Variants in PDC observed in about 807,000 individuals in gnomAD.
PDC encodes the protein phosducin.
PDC carries 19 observed loss-of-function variants against 22.2 expected under a neutral mutation model. The ratio of observed to expected loss-of-function variants is 0.86; its 90% confidence interval spans 0.60 to 1.26. The LOEUF is 1.26. Ranked by LOEUF, PDC falls within the 50% of genes most tolerant of loss-of-function variation. PDC has a pLI of 0.00. For missense variants in PDC, 274 were observed against 286.8 expected, an observed-to-expected ratio of 0.96 and a Z score of 0.32; for synonymous variants, 97 against 96.2, an observed-to-expected ratio of 1.01 and a Z score of -0.05.
intron 1 of PDC, among the ~76,000 whole-genome samples, chr1:186,452,091 G>A (rs1047642302): frequency 6.6e-6 from 1 of 152,090 alleles, no homozygotes; most frequent in Non-Finnish European, 1.5e-5. Flanking sequence ...AGCACCTAGA[G>A]GAAGACACAA....
intron 1 of PDC, among the ~76,000 whole-genome samples, chr1:186,453,185 C>T (rs1300304608): frequency 1.3e-5 from 2 of 152,008 alleles, no homozygotes. Flanking sequence ...CAAATCTTGT[C>T]CTCAAAATTC....
intron 1 of PDC, among the ~76,000 whole-genome samples, chr1:186,456,003 A>T (rs1165245953): frequency 1.2e-5 from 1 of 86,044 alleles, no homozygotes; most frequent in Admixed American, 1.5e-4. Context: ...AAATATATAT[A>T]TATATATATA....
intron 1 of PDC, among the ~76,000 whole-genome samples, chr1:186,450,698 C>A (rs532363861): frequency 6.6e-6 from 1 of 152,062 alleles, no homozygotes. Context: ...TTTATTCATA[C>A]GAAACTCCTT....
chr1:186,457,512 T>C (rs895369378), intron 1 of PDC, among the ~76,000 whole-genome samples: 42 of 152,242 alleles, frequency 2.8e-4, no homozygotes, highest in African/African-American at 9.9e-4. Flanking sequence ...TTGCGGATCA[T>C]AAGTGATTTT....
Position 186,457,984 on chromosome 1 carries a change from C to A in PDC, c.-25+3075G>T, listed in dbSNP as rs542496076. ...CTGATGTAATATTTTCTGTTTCTACCCTACTCAAATAGTTTTGCTTTTTCA... is the reference window on the plus strand; with the variant it reads ...CTGATGTAATATTTTCTGTTTCTACACTACTCAAATAGTTTTGCTTTTTCA... On this transcript the variant is annotated intron_variant, in intron 1 of 3. Coordinates refer to ENST00000391997, the MANE Select transcript of PDC (RefSeq NM_002597.5). 3.4e-4 allele frequency among the ~76,000 whole-genome samples: 51 copies of A among 152,014 alleles called. 1 individual carries two copies. In the South Asian group the frequency reaches 0.011, roughly 32 times the overall value.
chr1:186,445,975 A>G (rs752208533), intron 3 of PDC, among the ~76,000 whole-genome samples: 1 of 152,222 alleles, frequency 6.6e-6, no homozygotes, highest in East Asian at 1.9e-4. Context: ...TTTCATTCAC[A>G]TATTCAGGCA....
chr1:186,444,622 C>G, intron 3 of PDC, 116 bp from the exon 4 acceptor site: 1 of 641,764 alleles, frequency 1.6e-6, no homozygotes, highest in Non-Finnish European at 2.7e-6. Flanking sequence ...GCCTGGACCA[C>G]CTACCTTTCA....
chr1:186,449,978 A>G (rs1047305352), intron 1 of PDC, among the ~76,000 whole-genome samples: 1 of 152,154 alleles, frequency 6.6e-6, no homozygotes, highest in Non-Finnish European at 1.5e-5. Context: ...TCACATAGCT[A>G]TATGTGGTAG....
chr1:186,455,643 G>C (rs1395357935), intron 1 of PDC, among the ~76,000 whole-genome samples: 8 of 151,262 alleles, frequency 5.3e-5, no homozygotes, highest in Admixed American at 4.0e-4. Flanking sequence ...CCCAATCCTG[G>C]GATGCCACAG....
At chr1:186,456,200 A>T (rs1262223024) in intron 1 of PDC, among the ~76,000 whole-genome samples, 1 of 151,716 alleles carries the variant, frequency 6.6e-6, no homozygotes, top group Admixed American at 6.6e-5. Flanking sequence ...GATTTAGTAT[A>T]CAGCATATAT....
At chr1:186,446,954 A>T (rs1373155430) in intron 2 of PDC, among the ~76,000 whole-genome samples, 1 of 152,174 alleles carries the variant, frequency 6.6e-6, no homozygotes, top group Non-Finnish European at 1.5e-5. Context: ...ACAAACTAAA[A>T]TTGGCATTAC....
chr1:186,449,326 G>T, intron 2 of PDC, 73 bp downstream of exon 2: 1 of 824,874 alleles, frequency 1.2e-6, no homozygotes, highest in Non-Finnish European at 2.0e-6. Flanking sequence ...ACTGAATAGT[G>T]TCAATAAGAA....
intron 1 of PDC, among the ~76,000 whole-genome samples, chr1:186,459,161 C>CAAAAAAAG (rs906663768): frequency 6.6e-6 from 1 of 151,454 alleles, no homozygotes; most frequent in Non-Finnish European, 1.5e-5. Context: ...GACTCCAACT[C>CAAAAAAAG]AAAAAAAGAA....
rs1558120676 is a variant in PDC, at chr1:186,443,748, C to G, written c.*231G>C. ...AATGTCATAATATTATCCACATCCT[C>G]TTTGTCTACTAATAATGTTGCTGAA... is the stretch of plus-strand genomic sequence containing the variant. On this transcript the variant is annotated 3_prime_UTR_variant, in exon 4 of 4. Transcript: ENST00000391997. 2.2e-6 allele frequency: 1 copy of G among 450,312 alleles called. No homozygotes were observed. The highest frequency in any genetic ancestry group is 3.4e-5 in the East Asian group (1 of 29,814). The allele number at this position is 450,312 out of a possible 1,614,324, so 27.9% of individuals were successfully genotyped here. A position where few individuals can be genotyped will look rare whatever the true frequency, so the allele number is the denominator to read the frequency against.
chr1:186,444,463 TC>T lies in PDC; in HGVS notation c.256del (p.Asp86MetfsTer20), dbSNP rs1186724608. ...ACGGTATTTACGAAGGCAGTTTTCATCCTCTTTCTCTTTATGGATTAGTTCA... is the reference window on the plus strand; with the variant it reads ...ACGGTATTTACGAAGGCAGTTTTCATCTCTTTCTCTTTATGGATTAGTTCA... ...EYELIHKEKE[D>X]ENCLRKYRRQ... On this transcript the variant is annotated frameshift_variant, in exon 4 of 4. Transcript: ENST00000391997. LOFTEE classifies it high-confidence loss of function. 1 of 1,608,618 alleles carries T rather than the reference TC, an allele frequency of 6.2e-7. No homozygotes were observed. Among genetic ancestry groups the T allele is most frequent in the South Asian group, 1.1e-5 (1 of 90,848 alleles).
At chr1:186,454,538 G>T (rs1043124620) in intron 1 of PDC, among the ~76,000 whole-genome samples, 1 of 152,184 alleles carries the variant, frequency 6.6e-6, no homozygotes, top group Non-Finnish European at 1.5e-5. Flanking sequence ...CAGTATAAAA[G>T]ACATACTGTT....
chr1:186,445,702 G>A lies in PDC; in HGVS notation c.213+724C>T, dbSNP rs56834519. Among the ~76,000 whole-genome samples, 468 of 152,214 alleles carry A rather than the reference G, an allele frequency of 3.1e-3. 1 individual carries two copies. The highest frequency in any genetic ancestry group is 5.1e-3 in the Non-Finnish European group (350 of 68,004). ...CCAGCTACTTGGGAGGCTGTGGCAG[G>A]AGAATCGCTTGAACCCAGGAGGTAG... On this transcript the variant is annotated intron_variant, in intron 3 of 3. Transcript: ENST00000391997.
At chr1:186,455,138 A>G (rs937639472) in intron 1 of PDC, among the ~76,000 whole-genome samples, 1 of 152,186 alleles carries the variant, frequency 6.6e-6, no homozygotes, top group South Asian at 2.1e-4. Flanking sequence ...CCAGAGGCTA[A>G]AAGTCTCTAA....
chr1:186,459,371 G>A (rs1443851399), intron 1 of PDC, among the ~76,000 whole-genome samples: 2 of 152,182 alleles, frequency 1.3e-5, no homozygotes, highest in South Asian at 2.1e-4. Context: ...CGCTGTGTTG[G>A]CCGGGTCTCC....
Sources: gnomAD v4.1 joint callset for allele counts (sites outside exome capture counted in the v4.1 genomes callset) on GRCh38, gnomAD v4.1.1 for gene constraint, MANE v1.5 for transcripts, NCBI Gene and HGNC (gene_info 2026-07-23, HGNC 2026-07-21) for gene names.